ZC3H12B: variants seen among roughly 807,000 people sequenced by gnomAD.
ZC3H12B encodes the protein zinc finger CCCH-type containing 12B, also known as probable ribonuclease ZC3H12B.
ZC3H12B carries 7 observed loss-of-function variants against 43.9 expected under a neutral mutation model. The ratio of observed to expected loss-of-function variants is 0.16; its 90% CI spans 0.09 to 0.30. ZC3H12B has a LOEUF of 0.30. Ranked by LOEUF, ZC3H12B falls within the 10% of genes least tolerant of loss-of-function variation. The pLI, the probability that ZC3H12B is intolerant of heterozygous loss-of-function variation, is 1.00. For missense variants in ZC3H12B, 475 were observed against 670.2 expected (o/e 0.71, Z 3.22); for synonymous variants, 222 against 241.7 (o/e 0.92, Z 0.76).
At chrX:65,395,921 T>C (rs750759940) in intron 2 of ZC3H12B, among the ~76,000 whole-genome samples, 155 of 111,337 alleles carry the variant, frequency 1.4e-3, no homozygotes, top group African/African-American at 4.5e-3. Flanking sequence ...ATTGGGAGGG[T>C]ATATGTGTCC....
the ZC3H12B span, among the ~76,000 whole-genome samples, chrX:65,056,642 C>T: frequency 2.7e-5 from 3 of 111,136 alleles, no homozygotes; most frequent in African/African-American, 9.8e-5. Context: ...TCCCGGATAT[C>T]GTTGTTAACT....
chrX:65,159,360 G>A, the ZC3H12B span, among the ~76,000 whole-genome samples: 1 of 111,819 alleles, frequency 8.9e-6, no homozygotes, highest in Non-Finnish European at 1.9e-5. Flanking sequence ...ACCTTGGGCA[G>A]TATGGCCGTT....
chrX:65,126,453 G>A, the ZC3H12B span, among the ~76,000 whole-genome samples: 1 of 111,248 alleles, frequency 9.0e-6, no homozygotes, highest in Non-Finnish European at 1.9e-5. Flanking sequence ...ATAACCTGAT[G>A]TCTGTGTGCC....
chrX:65,120,449 G>T, the ZC3H12B span, among the ~76,000 whole-genome samples: 1 of 111,402 alleles, frequency 9.0e-6, no homozygotes, highest in Non-Finnish European at 1.9e-5. Context: ...CTCTCTGTTT[G>T]TCTGTTATTG....
the ZC3H12B span, among the ~76,000 whole-genome samples, chrX:65,076,554 A>G: frequency 2.7e-5 from 3 of 111,500 alleles, no homozygotes; most frequent in East Asian, 5.6e-4. Flanking sequence ...ATTGTTCCAC[A>G]GATCCCTGAG....
the ZC3H12B span, among the ~76,000 whole-genome samples, chrX:65,226,458 G>A: frequency 1.3e-4 from 14 of 110,608 alleles, no homozygotes; most frequent in Admixed American, 2.9e-4. Context: ...AAGAAACTGC[G>A]TCAACCTGCG....
chrX:65,287,168 G>A, the ZC3H12B span, among the ~76,000 whole-genome samples: 1 of 110,834 alleles, frequency 9.0e-6, no homozygotes, highest in Non-Finnish European at 1.9e-5. Flanking sequence ...GATTTAAACT[G>A]CACTTTTGGC....
At chrX:65,406,542 C>T (rs1466032438) in intron 3 of ZC3H12B, among the ~76,000 whole-genome samples, 2 of 98,702 alleles carry the variant, frequency 2.0e-5, no homozygotes, top group Non-Finnish European at 4.1e-5. Context: ...TGCGGGCTAG[C>T]GTCCCCCGCC....
chrX:65,229,880 AAAC>A, the ZC3H12B span, among the ~76,000 whole-genome samples: 3 of 110,471 alleles, frequency 2.7e-5, no homozygotes, highest in Non-Finnish European at 5.7e-5. Context: ...AAAAGTCAGG[AAAC>A]AACAGGTGCT....
chrX:65,416,189 G>A (rs966912367), intron 3 of ZC3H12B, among the ~76,000 whole-genome samples: 3 of 111,266 alleles, frequency 2.7e-5, no homozygotes, highest in Admixed American at 9.6e-5. Context: ...CATGGGAGAG[G>A]GGCAGGATTG....
chrX:65,421,321 A>C (rs1364033473), intron 3 of ZC3H12B, among the ~76,000 whole-genome samples: 1 of 112,271 alleles, frequency 8.9e-6, no homozygotes, highest in Non-Finnish European at 1.9e-5. Context: ...GAGGTTATGC[A>C]TGGGCTCAGC....
the ZC3H12B span, among the ~76,000 whole-genome samples, chrX:65,189,771 G>C: frequency 1.8e-5 from 2 of 110,838 alleles, no homozygotes; most frequent in African/African-American, 6.6e-5. Context: ...GATGGTAGTT[G>C]CTTTTGCTAT....
At chrX:65,044,632 G>T in the ZC3H12B span, among the ~76,000 whole-genome samples, 5 of 111,056 alleles carry the variant, frequency 4.5e-5, no homozygotes, top group South Asian at 3.8e-4. Context: ...AGTAACCCAG[G>T]CGAGAGAAAA....
At chrX:65,320,988 G>A in the ZC3H12B span, among the ~76,000 whole-genome samples, 1 of 112,019 alleles carries the variant, frequency 8.9e-6, no homozygotes, top group Non-Finnish European at 1.9e-5. Flanking sequence ...ACAGGACCTG[G>A]TAAAAATTTT....
At chrX:65,183,225 A>G in the ZC3H12B span, among the ~76,000 whole-genome samples, 1 of 112,109 alleles carries the variant, frequency 8.9e-6, no homozygotes, top group East Asian at 2.8e-4. Flanking sequence ...ATGGAATTTT[A>G]TGCGGCCATA....
chrX:65,104,514 T>C, the ZC3H12B span, among the ~76,000 whole-genome samples: 1 of 111,466 alleles, frequency 9.0e-6, no homozygotes, highest in African/African-American at 3.3e-5. Context: ...AATCTAACCG[T>C]TTGCAAAGGT....
At chrX:65,418,500 G>A (rs1381288151) in intron 3 of ZC3H12B, among the ~76,000 whole-genome samples, 1 of 111,607 alleles carries the variant, frequency 9.0e-6, no homozygotes, top group Non-Finnish European at 1.9e-5. Context: ...GGAGTAATTG[G>A]ACCTGGGATG....
the ZC3H12B span, among the ~76,000 whole-genome samples, chrX:65,267,309 C>T: frequency 9.4e-6 from 1 of 106,732 alleles, no homozygotes; most frequent in Non-Finnish European, 1.9e-5. Context: ...AAAAAGAATT[C>T]AGAATTTACA....
At chrX:65,371,080 T>C (rs2066238269) in intron 2 of ZC3H12B, among the ~76,000 whole-genome samples, 1 of 112,151 alleles carries the variant, frequency 8.9e-6, no homozygotes, top group Non-Finnish European at 1.9e-5. Flanking sequence ...ATCCTATTCT[T>C]AATTTTAATA....
Sources: allele counts gnomAD v4.1 joint callset (sites outside exome capture counted in the v4.1 genomes callset), GRCh38; gene constraint gnomAD v4.1.1; transcripts MANE v1.5; gene names NCBI Gene and HGNC (gene_info 2026-07-23, HGNC 2026-07-21).